The following EPB41L1 variants were observed in gnomAD, a reference collection of about 807,000 sequenced individuals.
The protein encoded by EPB41L1 is erythrocyte membrane protein band 4.1 like 1, also known as band 4.1-like protein 1.
A neutral mutation model predicts 97.8 loss-of-function variants in EPB41L1; 29 were observed. The ratio of observed to expected loss-of-function variants is 0.30; its 90% confidence interval spans 0.22 to 0.40. The LOEUF is 0.40. Among genes scored for constraint, EPB41L1 ranks in the 10% least tolerant of loss-of-function variants. The probability of loss-of-function intolerance (pLI) is 1.00; values close to 1 mark genes in which losing one functional copy is unlikely to be tolerated. For synonymous variants in EPB41L1, 383 were observed against 459.2 expected (o/e 0.83, Z 2.12); for missense variants, 812 against 1,162.3 (o/e 0.70, Z 4.38).
chr20:36,096,335 C>T (rs1053067386), intron 1 of EPB41L1, among the ~76,000 whole-genome samples: 1 of 152,188 alleles, frequency 6.6e-6, no homozygotes, highest in African/African-American at 2.4e-5. Context: ...GTGACTAATG[C>T]AATGACTCTT....
chr20:36,115,560 G>C (rs1434023748), intron 2 of EPB41L1, among the ~76,000 whole-genome samples: 1 of 152,084 alleles, frequency 6.6e-6, no homozygotes, highest in Admixed American at 6.5e-5. Context: ...ATTGTGCCAG[G>C]CTCCATGCTG....
Position 36,232,675 on chromosome 20 carries a change from T to C in EPB41L1, c.*3335T>C. 1 of 399,132 alleles carries C rather than the reference T, an allele frequency of 2.5e-6. No homozygotes were observed. Among genetic ancestry groups the C allele is most frequent in the Non-Finnish European group, 4.4e-6 (1 of 226,136 alleles). 24.7% of individuals were successfully genotyped at this position (399,132 alleles called of 1,614,324 possible). On this transcript the variant is annotated 3_prime_UTR_variant, in exon 22 of 22. Coordinates refer to ENST00000338074, the MANE Select transcript of EPB41L1 (RefSeq NM_012156.2). ...GCGATGCTGTCCTGTTCCTTTTTAC[T>C]CACACCCTTCTCTCCTTTCTCGTCC...
At chr20:36,175,742 C>T (rs2061198629) in intron 3 of EPB41L1, 27 bp downstream of exon 3, 1 of 1,613,126 alleles carries the variant, frequency 6.2e-7, no homozygotes, top group Admixed American at 1.7e-5. Context: ...TGCCATATGT[C>T]CCGTCCCCGG....
At chr20:36,197,631 C>T (rs569440355) in intron 13 of EPB41L1, 2 of 985,366 alleles carry the variant, frequency 2.0e-6, no homozygotes, top group African/African-American at 3.5e-5. Context: ...GACTAGACAT[C>T]TCCTCTTTTT....
chr20:36,187,569 ATATT>A (rs2061735312), intron 7 of EPB41L1, 103 bp from the exon 8 acceptor site: 1 of 881,594 alleles, frequency 1.1e-6, no homozygotes, highest in Admixed American at 2.0e-5. Flanking sequence ...GAGGCTCAGC[ATATT>A]TGACTTTCTA....
At chr20:36,175,828 C>A in intron 3 of EPB41L1, 113 bp downstream of exon 3, 1 of 1,120,994 alleles carries the variant, frequency 8.9e-7, no homozygotes, top group Non-Finnish European at 1.3e-6. Flanking sequence ...CTGGACCAGT[C>A]ACAGTGTCCA....
chr20:36,125,643 C>T lies in EPB41L1; in HGVS notation c.-10+13163C>T, dbSNP rs139386027. The T allele has an allele frequency of 1.1e-3, 1,632 of 1,466,004 alleles. 15 individuals are homozygous for T. The African/African-American group carries it at 0.019, about 17-fold the overall frequency. The allele number at this position is 1,466,004 out of a possible 1,614,324, so 90.8% of individuals were successfully genotyped here. On this transcript the variant is annotated intron_variant, in intron 2 of 19. Transcript: ENST00000202028. The stretch of plus-strand genomic sequence containing the variant: ...AGGAGTTTCCTGTGTGTGTTGGGGA[C>T]GGCAAGGAGGCAAGTGGAGTGGCAG...
intron 1 of EPB41L1, among the ~76,000 whole-genome samples, chr20:36,103,663 AT>A (rs970502730): frequency 1.4e-5 from 2 of 148,144 alleles, no homozygotes; most frequent in African/African-American, 2.5e-5. Flanking sequence ...ATGAGTTATT[AT>A]TTTTTGGTTA....
chr20:36,156,875 A>G (rs1271786720), intron 1 of EPB41L1, among the ~76,000 whole-genome samples: 1 of 152,144 alleles, frequency 6.6e-6, no homozygotes, highest in Non-Finnish European at 1.5e-5. Flanking sequence ...GGTGCTTGTT[A>G]GCACCTGCCG....
upstream of EPB41L1, chr20:36,153,111 G>T: frequency 2.2e-6 from 1 of 456,748 alleles, no homozygotes; most frequent in Non-Finnish European, 4.4e-6. Flanking sequence ...TTAAGTTGGA[G>T]AAGAGAAGGC....
At chr20:36,103,234 A>G (rs1022423677) in intron 1 of EPB41L1, among the ~76,000 whole-genome samples, 1 of 152,292 alleles carries the variant, frequency 6.6e-6, no homozygotes, top group South Asian at 2.1e-4. Context: ...GGGATGCCTT[A>G]TGTCTTATTC....
At chr20:36,220,735 G>A (rs150671257) in intron 19 of EPB41L1, among the ~76,000 whole-genome samples, 2 of 152,128 alleles carry the variant, frequency 1.3e-5, no homozygotes, top group Non-Finnish European at 2.9e-5. Context: ...AGAGGTAGGG[G>A]CAAAGGAGGG....
intron 14 of EPB41L1, among the ~76,000 whole-genome samples, chr20:36,202,073 A>G (rs917898293): frequency 2.0e-5 from 3 of 152,210 alleles, no homozygotes; most frequent in African/African-American, 7.2e-5. Flanking sequence ...TCTTGAGGGA[A>G]ATCGGACAAG....
At chr20:36,117,635 A>G (rs2058626560) in intron 2 of EPB41L1, among the ~76,000 whole-genome samples, 1 of 148,750 alleles carries the variant, frequency 6.7e-6, no homozygotes, top group Admixed American at 6.6e-5. Context: ...AGGCTCAGAG[A>G]AGGTAAGTAA....
intron 1 of EPB41L1, among the ~76,000 whole-genome samples, chr20:36,166,209 C>T (rs1352851841): frequency 6.6e-6 from 1 of 152,210 alleles, no homozygotes; most frequent in African/African-American, 2.4e-5. Context: ...TCCATCTACC[C>T]CTCCATCTGA....
chr20:36,126,460 G>A (rs901244561), intron 2 of EPB41L1, among the ~76,000 whole-genome samples: 1 of 150,826 alleles, frequency 6.6e-6, no homozygotes, highest in Non-Finnish European at 1.5e-5. Flanking sequence ...TCTGCCTCCC[G>A]GGTTCAAGCG....
chr20:36,228,796 G>C lies in EPB41L1; in HGVS notation c.2638-536G>C, dbSNP rs578091181. Among the ~76,000 whole-genome samples, 3 of 152,096 alleles carry C rather than the reference G, an allele frequency of 2.0e-5. No homozygotes were observed. The South Asian group carries it at 6.2e-4, about 32-fold the overall frequency. On this transcript the variant is annotated intron_variant, in intron 21 of 21. Transcript: ENST00000338074. ...GGACACAGCAAGCCCACGGACAACA[G>C]AAAGGAAAACCAAATGAAAAAAGAA...
intron 1 of EPB41L1, among the ~76,000 whole-genome samples, chr20:36,104,809 G>T (rs1391663177): frequency 1.3e-5 from 2 of 152,208 alleles, no homozygotes; most frequent in African/African-American, 2.4e-5. Context: ...GGAAGCAGAG[G>T]CCTGGGAGGA....
chr20:36,137,609 C>T (rs905322999), intron 2 of EPB41L1, among the ~76,000 whole-genome samples: 1 of 152,132 alleles, frequency 6.6e-6, no homozygotes, highest in African/African-American at 2.4e-5. Flanking sequence ...ACGGCAATCT[C>T]CGCCTCCTGG....
Sources: allele counts gnomAD v4.1 joint callset (sites outside exome capture counted in the v4.1 genomes callset), GRCh38; gene constraint gnomAD v4.1.1; transcripts MANE v1.5; gene names NCBI Gene and HGNC (gene_info 2026-07-23, HGNC 2026-07-21).